The following ARID5B variants were observed in gnomAD, a reference collection of about 807,000 sequenced individuals.
ARID5B encodes AT-rich interactive domain-containing protein 5B.
In ARID5B, 13 loss-of-function variants were observed where a neutral mutation model predicts 97.2. The ratio of observed to expected loss-of-function variants is 0.13; its 90% confidence interval spans 0.09 to 0.21. The LOEUF is 0.21. Among genes scored for constraint, ARID5B ranks in the 10% least tolerant of loss-of-function variants. ARID5B has a pLI of 1.00. For missense variants in ARID5B, 1,210 were observed against 1,465.3 expected (o/e 0.83, Z 2.84); for synonymous variants, 556 against 570.3 (o/e 0.97, Z 0.36).
At chr10:62,086,169 T>G (rs772966880) in intron 9 of ARID5B, among the ~76,000 whole-genome samples, 1 of 152,164 alleles carries the variant, frequency 6.6e-6, no homozygotes, top group Non-Finnish European at 1.5e-5. Context: ...AGAAAACTGA[T>G]AGCAAATGCT....
At chr10:61,930,455 T>C (rs1844184727) in intron 2 of ARID5B, among the ~76,000 whole-genome samples, 2 of 152,048 alleles carry the variant, frequency 1.3e-5, no homozygotes, top group East Asian at 1.9e-4. Flanking sequence ...GTGCGGTGGC[T>C]CACACCTGTA....
At chr10:62,090,794 T>C in intron 9 of ARID5B, 68 bp from the exon 10 acceptor site, 1 of 1,506,552 alleles carries the variant, frequency 6.6e-7, no homozygotes, top group Non-Finnish European at 8.8e-7. Flanking sequence ...GTGGAATATT[T>C]TATTTCATAG....
intron 5 of ARID5B, 58 bp from the exon 6 acceptor site, chr10:62,057,059 C>A (rs567471571): frequency 1.9e-6 from 3 of 1,557,414 alleles, no homozygotes; most frequent in African/African-American, 1.4e-5. Flanking sequence ...CTAGCTATGT[C>A]TTGGTAAGCA....
At chr10:61,926,265 C>T (rs1844104039) in intron 2 of ARID5B, among the ~76,000 whole-genome samples, 1 of 152,076 alleles carries the variant, frequency 6.6e-6, no homozygotes, top group Non-Finnish European at 1.5e-5. Flanking sequence ...CCCATTCACC[C>T]CAGGGAATTG....
intron 9 of ARID5B, among the ~76,000 whole-genome samples, chr10:62,089,589 A>G (rs1221538560): frequency 7.3e-6 from 1 of 137,750 alleles, no homozygotes; most frequent in Admixed American, 8.0e-5. Context: ...GTGCAATGGC[A>G]TGATCTCGGC....
chr10:61,914,650 T>C (rs1002431113), intron 2 of ARID5B, among the ~76,000 whole-genome samples: 2 of 152,236 alleles, frequency 1.3e-5, no homozygotes, highest in African/African-American at 4.8e-5. Flanking sequence ...TCACCCACTG[T>C]GTTTTCAATG....
At chr10:61,922,759 C>G (rs1265117477) in intron 2 of ARID5B, among the ~76,000 whole-genome samples, 1 of 152,220 alleles carries the variant, frequency 6.6e-6, no homozygotes, top group East Asian at 1.9e-4. Flanking sequence ...AGGTGAGCAT[C>G]TCCTGGCCCT....
Position 61,934,727 on chromosome 10 carries a change from C to G in ARID5B, c.277-5456C>G, listed in dbSNP as rs115988515. The stretch of plus-strand genomic sequence containing the variant: ...ATTACAATAGTAATATTAAAGATCA[C>G]TGATCGGCTGGGTGCGGTGGCTCAC... On this transcript the variant is annotated intron_variant, in intron 2 of 9. Coordinates refer to ENST00000279873, the MANE Select transcript of ARID5B (RefSeq NM_032199.3). 3.0e-3 allele frequency among the ~76,000 whole-genome samples: 452 copies of G among 152,196 alleles called. 6 individuals are homozygous for G. Among genetic ancestry groups the G allele is most frequent in the African/African-American group, 0.011 (437 of 41,526 alleles).
chr10:62,089,837 T>C (rs2132983247), intron 9 of ARID5B, among the ~76,000 whole-genome samples: 1 of 152,280 alleles, frequency 6.6e-6, no homozygotes, highest in Admixed American at 6.5e-5. Flanking sequence ...AAGAACAAAG[T>C]TCAAGGGATG....
chr10:62,030,916 A>G (rs564110260), intron 4 of ARID5B, among the ~76,000 whole-genome samples: 1 of 152,334 alleles, frequency 6.6e-6, no homozygotes, highest in East Asian at 1.9e-4. Context: ...CCCAGGAATC[A>G]GGCAAGGGCT....
intron 4 of ARID5B, among the ~76,000 whole-genome samples, chr10:62,014,942 T>G (rs1839264327): frequency 6.6e-6 from 1 of 152,212 alleles, no homozygotes; most frequent in Non-Finnish European, 1.5e-5. Flanking sequence ...TAAGAACCTT[T>G]TCTGTTCTCA....
At position 62,090,937 on chromosome 10, in the gene ARID5B, G is replaced by C; in HGVS notation, c.1474G>C (p.Asp492His). Residue 492 changes from aspartate to histidine, a missense_variant, in exon 10 of 10, where the codon GAC becomes CAC. Physicochemically the swap from Asp to His is moderately conservative, Grantham distance 81 (BLOSUM62 -1). Around this residue, in one of 8 missense-constraint regions of ARID5B, gnomAD observed 800 missense variants for 839.1 expected, o/e 0.95. Transcript: ENST00000279873. The stretch of plus-strand genomic sequence containing the variant: ...CATCCCTGAGCCTCTCCCAGCAGCA[G>C]ACATGAAGAAAAAAATAGAAGGGTA... Reference protein sequence around the residue: ...KSIPEPLPAADMKKKIEGYQE... With the variant: ...KSIPEPLPAAHMKKKIEGYQE... 2.5e-6 allele frequency: 4 copies of C among 1,613,982 alleles called. No homozygotes were observed. In the South Asian group the frequency reaches 4.4e-5, roughly 18 times the overall value.
chr10:61,925,106 G>C (rs1844080271), intron 2 of ARID5B, among the ~76,000 whole-genome samples: 2 of 152,112 alleles, frequency 1.3e-5, no homozygotes, highest in Admixed American at 1.3e-4. Flanking sequence ...TCGGGAGGCT[G>C]AGGCAGGATA....
intron 3 of ARID5B, among the ~76,000 whole-genome samples, chr10:61,941,752 T>C (rs1322982383): frequency 1.3e-5 from 2 of 152,212 alleles, no homozygotes; most frequent in African/African-American, 4.8e-5. Context: ...ACATTTTAGA[T>C]ATGGCAGCCT....
rs1839063717 is a variant in ARID5B, at chr10:62,000,508, C to G, written c.733+187C>G. On this transcript the variant is annotated intron_variant, in intron 4 of 9. Coordinates refer to ENST00000279873, the MANE Select transcript of ARID5B (RefSeq NM_032199.3). This position sits in a 1 kb window ranked among gnomAD's most constrained non-coding sequence, Gnocchi z 4.4. ...TTGCCTCCTTCGTAGCCTCTGTTTACTATGAGTAAGAGATGATTATTTATA... is the reference window on the plus strand; with the variant it reads ...TTGCCTCCTTCGTAGCCTCTGTTTAGTATGAGTAAGAGATGATTATTTATA... Among the ~76,000 whole-genome samples, 1 of 144,916 alleles carries G rather than the reference C, an allele frequency of 6.9e-6. No homozygotes were observed. The highest frequency in any genetic ancestry group is 2.3e-4 in the East Asian group (1 of 4,360).
intron 2 of ARID5B, among the ~76,000 whole-genome samples, chr10:61,921,411 C>T (rs910123620): frequency 6.6e-6 from 1 of 152,228 alleles, no homozygotes; most frequent in Admixed American, 6.5e-5. Context: ...GGTCTCAGAT[C>T]TCTCAGGCTG....
At chr10:61,938,746 T>C (rs932604780) in intron 2 of ARID5B, among the ~76,000 whole-genome samples, 1 of 152,176 alleles carries the variant, frequency 6.6e-6, no homozygotes, top group African/African-American at 2.4e-5. Flanking sequence ...AGGGAAAGGA[T>C]TCCATTACTA....
intron 9 of ARID5B, among the ~76,000 whole-genome samples, chr10:62,089,189 A>G (rs537794725): frequency 6.6e-6 from 1 of 152,214 alleles, no homozygotes; most frequent in Non-Finnish European, 1.5e-5. Flanking sequence ...TCAAGAGACC[A>G]ATGTGATGAT....
chr10:62,018,701 G>A (rs922701408), intron 4 of ARID5B, among the ~76,000 whole-genome samples: 3 of 142,914 alleles, frequency 2.1e-5, no homozygotes, highest in African/African-American at 7.8e-5. Context: ...CCTGTCTTGT[G>A]ATTATGTCTT....
Sources: allele counts gnomAD v4.1 joint callset (sites outside exome capture counted in the v4.1 genomes callset), GRCh38; gene constraint gnomAD v4.1.1; regional missense constraint gnomAD v4.1.1; non-coding constraint Gnocchi (gnomAD v3.1); transcripts MANE v1.5; gene names NCBI Gene and HGNC (gene_info 2026-07-23, HGNC 2026-07-21).